ANO2: variants seen among roughly 807,000 people sequenced by gnomAD.
ANO2 encodes the protein anoctamin-2.
ANO2 carries 101 observed loss-of-function variants against 124.2 expected under a neutral mutation model. The ratio of observed to expected loss-of-function variants is 0.81; its 90% CI spans 0.69 to 0.96. ANO2 has a LOEUF of 0.96. Ranked by LOEUF, ANO2 falls within the 40% of genes least tolerant of loss-of-function variation. ANO2 has a pLI of 0.00. For missense variants in ANO2, 1,293 were observed against 1,274.5 expected (o/e 1.01, Z -0.22); for synonymous variants, 486 against 482.5 (o/e 1.01, Z -0.09).
intron 20 of ANO2, among the ~76,000 whole-genome samples, chr12:5,581,274 T>C (rs982205345): frequency 6.6e-6 from 1 of 152,196 alleles, no homozygotes; most frequent in Non-Finnish European, 1.5e-5. Context: ...AATGTTCTTA[T>C]CATGAGTGAC....
At chr12:5,564,982 C>T (rs1941664413) in intron 24 of ANO2, among the ~76,000 whole-genome samples, 2 of 152,052 alleles carry the variant, frequency 1.3e-5, no homozygotes, top group Admixed American at 1.3e-4. Flanking sequence ...TGGGGGCCCT[C>T]GAGCTCAGAG....
rs1429774190 is a variant in ANO2, at chr12:5,944,016, C to G, written c.22+1180G>C. ...TCTCTACAGTCAACCAGCAGAGTGG[C>G]TCTGGTACCCACATAGAGGCAACTC... On this transcript the variant is annotated intron_variant, in intron 1 of 24. Coordinates refer to ENST00000682330, the MANE Select transcript of ANO2 (RefSeq NM_001364791.2). Among the ~76,000 whole-genome samples, 5 of 152,188 alleles carry G rather than the reference C, an allele frequency of 3.3e-5. No homozygotes were observed. The East Asian group carries it at 9.6e-4, about 29-fold the overall frequency.
intron 16 of ANO2, among the ~76,000 whole-genome samples, chr12:5,621,527 C>T (rs1001760288): frequency 1.2e-4 from 18 of 152,062 alleles, no homozygotes; most frequent in South Asian, 8.3e-4. Context: ...AGGGCCAGTG[C>T]GATGGGAGGG....
At chr12:5,661,966 G>A (rs1203886586) in intron 14 of ANO2, among the ~76,000 whole-genome samples, 6 of 152,162 alleles carry the variant, frequency 3.9e-5, no homozygotes, top group South Asian at 2.1e-4. Context: ...CACAGGATCC[G>A]CCATGTCAGC....
chr12:5,867,211 C>T (rs568116275), intron 3 of ANO2, among the ~76,000 whole-genome samples: 14 of 152,360 alleles, frequency 9.2e-5, no homozygotes, highest in African/African-American at 3.4e-4. Flanking sequence ...ACATTGATCA[C>T]AAGCTTTCTT....
At chr12:5,867,152 G>A (rs1425958607) in intron 3 of ANO2, among the ~76,000 whole-genome samples, 2 of 152,228 alleles carry the variant, frequency 1.3e-5, no homozygotes, top group South Asian at 4.1e-4. Flanking sequence ...TACACAAAGA[G>A]GCAGTGTAGA....
intron 3 of ANO2, among the ~76,000 whole-genome samples, chr12:5,886,595 A>C (rs1445767216): frequency 6.6e-6 from 1 of 152,240 alleles, no homozygotes; most frequent in South Asian, 2.1e-4. Flanking sequence ...AATGAAATTT[A>C]AAGAATTAAA....
chr12:5,599,412 C>T (rs1466644416), intron 20 of ANO2, 72 bp downstream of exon 20: 4 of 1,512,264 alleles, frequency 2.6e-6, no homozygotes, highest in Admixed American at 2.4e-5. Flanking sequence ...AATCCCCTAC[C>T]TTCCCCCTTC....
chr12:5,845,070 G>A lies in ANO2; in HGVS notation c.633+8973C>T, dbSNP rs371077618. Among the ~76,000 whole-genome samples the A allele has an allele frequency of 5.9e-5, 9 of 151,714 alleles. No homozygotes were observed. In the East Asian group the frequency reaches 1.4e-3, roughly 23 times the overall value. Reference sequence around the variant, plus strand: ...GTGGATAACTTGAGCCCAGGAGTTCGAGACCAGCCTGGGCAACATGGGGGA... The same window carrying A: ...GTGGATAACTTGAGCCCAGGAGTTCAAGACCAGCCTGGGCAACATGGGGGA... On this transcript the variant is annotated intron_variant, in intron 4 of 24. Transcript: ENST00000682330.
At chr12:5,816,510 T>G (rs1044187744) in intron 7 of ANO2, among the ~76,000 whole-genome samples, 2 of 152,120 alleles carry the variant, frequency 1.3e-5, no homozygotes, top group Non-Finnish European at 2.9e-5. Flanking sequence ...ACTGTGAAGT[T>G]AACAGACTCT....
intron 13 of ANO2, 133 bp downstream of exon 13, chr12:5,739,184 A>G: frequency 1.1e-6 from 1 of 877,696 alleles, no homozygotes; most frequent in Non-Finnish European, 1.9e-6. Context: ...GCCAAGCTAC[A>G]CAGGCAGCCA....
At chr12:5,666,498 T>C (rs759090) in intron 14 of ANO2, among the ~76,000 whole-genome samples, 77,458 of 151,746 alleles carry the variant, frequency 0.51, 19,822 homozygotes, top group East Asian at 0.73. Context: ...ACTCATGAAA[T>C]GCACAGCGAC....
At chr12:5,921,824 C>T (rs1745424360) in intron 2 of ANO2, among the ~76,000 whole-genome samples, 1 of 152,172 alleles carries the variant, frequency 6.6e-6, no homozygotes, top group South Asian at 2.1e-4. Flanking sequence ...CGCGTATCTA[C>T]CCGAGTGCGC....
chr12:5,781,524 G>T (rs541547497), intron 10 of ANO2, among the ~76,000 whole-genome samples: 70 of 152,340 alleles, frequency 4.6e-4, no homozygotes, highest in African/African-American at 1.7e-3. Flanking sequence ...GATGATCAGA[G>T]AATATAAAAG....
At chr12:5,722,777 T>G (rs946299667) in intron 14 of ANO2, among the ~76,000 whole-genome samples, 1 of 152,170 alleles carries the variant, frequency 6.6e-6, no homozygotes, top group Admixed American at 6.5e-5. Flanking sequence ...AGAACAAATA[T>G]GAATTTATAC....
Position 5,799,608 on chromosome 12 carries a change from A to C in ANO2, c.991-37T>G, listed in dbSNP as rs1280233769. On this transcript the variant is annotated intron_variant, in intron 9 of 24. Transcript: ENST00000682330. ...AAATAAGGAAACAGGTTAGAGGTAG[A>C]GATGGGAAACTTCACCTGATTTTGT... The C allele has an allele frequency of 5.7e-6, 9 of 1,591,872 alleles. No homozygotes were observed. In the South Asian group the frequency reaches 1.0e-4, roughly 18 times the overall value.
intron 3 of ANO2, among the ~76,000 whole-genome samples, chr12:5,895,811 A>T (rs1320638645): frequency 6.6e-6 from 1 of 152,060 alleles, no homozygotes; most frequent in Non-Finnish European, 1.5e-5. Context: ...AAAAAAAGTC[A>T]TTATATGAAA....
intron 14 of ANO2, among the ~76,000 whole-genome samples, chr12:5,675,188 C>A (rs1350976592): frequency 6.6e-6 from 1 of 152,226 alleles, no homozygotes; most frequent in African/African-American, 2.4e-5. Context: ...ATGCTACACT[C>A]TTCCTGCTCC....
At chr12:5,766,340 A>T (rs576325248) in intron 10 of ANO2, among the ~76,000 whole-genome samples, 2 of 152,358 alleles carry the variant, frequency 1.3e-5, no homozygotes, top group African/African-American at 4.8e-5. Flanking sequence ...GCATTTTGGT[A>T]TAGTCACCCA....
Sources: allele counts gnomAD v4.1 joint callset (sites outside exome capture counted in the v4.1 genomes callset), GRCh38; gene constraint gnomAD v4.1.1; transcripts MANE v1.5; gene names NCBI Gene and HGNC (gene_info 2026-07-23, HGNC 2026-07-21).